The following ADAMTS17 variants were observed in gnomAD, a reference collection of about 807,000 sequenced individuals.
ADAMTS17 encodes ADAM metallopeptidase with thrombospondin type 1 motif 17.
In ADAMTS17, 113 loss-of-function variants were observed where a neutral mutation model predicts 141.5. The observed-to-expected ratio is 0.80, with a 90% confidence interval of 0.69 to 0.93. The LOEUF (loss-of-function observed/expected upper bound fraction) is 0.93, where lower values mean the gene tolerates loss of function less well. Ranked by LOEUF, ADAMTS17 falls within the 40% of genes least tolerant of loss-of-function variation. The pLI is 0.00. For missense variants in ADAMTS17, 1,659 were observed against 1,517.9 expected (o/e 1.09, Z -1.54); for synonymous variants, 768 against 630.6 (o/e 1.22, Z -3.27).
intron 8 of ADAMTS17, among the ~76,000 whole-genome samples, chr15:100,194,015 CAG>C (rs772794362): frequency 1.3e-5 from 2 of 152,232 alleles, no homozygotes; most frequent in Non-Finnish European, 2.9e-5. Context: ...GCTTATCTAA[CAG>C]ACACTCCTCA....
intron 8 of ADAMTS17, among the ~76,000 whole-genome samples, chr15:100,169,717 G>A (rs1296498447): frequency 1.3e-5 from 2 of 152,222 alleles, no homozygotes; most frequent in Non-Finnish European, 2.9e-5. Flanking sequence ...CTCAGGTACT[G>A]TGAACTGCAT....
At position 99,974,266 on chromosome 15, in the gene ADAMTS17, C is replaced by A; in HGVS notation, c.*136G>T. On this transcript the variant is annotated 3_prime_UTR_variant, in exon 22 of 22. Transcript: ENST00000268070. ...GTACGGAAGCACTAATGGCAAACGC[C>A]AAGTCCACGCTCATGTTCTATGTAG... is the stretch of plus-strand genomic sequence containing the variant. 8.5e-7 allele frequency: 1 copy of A among 1,173,194 alleles called. No homozygotes were observed. The highest frequency in any genetic ancestry group is 1.2e-6 in the Non-Finnish European group (1 of 802,404). 72.7% of individuals were successfully genotyped at this position (1,173,194 alleles called of 1,614,324 possible). A position where few individuals can be genotyped will look rare whatever the true frequency, so the allele number is the denominator to read the frequency against.
intron 14 of ADAMTS17, among the ~76,000 whole-genome samples, chr15:100,103,356 G>A (rs2036233765): frequency 6.6e-6 from 1 of 152,218 alleles, no homozygotes; most frequent in Non-Finnish European, 1.5e-5. Flanking sequence ...CTTTCCTGCA[G>A]GCTTGTTACC....
chr15:99,996,756 G>A (rs563322246), intron 19 of ADAMTS17, among the ~76,000 whole-genome samples: 1 of 152,036 alleles, frequency 6.6e-6, no homozygotes, highest in South Asian at 2.1e-4. Context: ...AGGGAAGCCT[G>A]CCCTTTATTC....
At chr15:100,182,033 C>T (rs1209136319) in intron 8 of ADAMTS17, among the ~76,000 whole-genome samples, 1 of 152,232 alleles carries the variant, frequency 6.6e-6, no homozygotes, top group Non-Finnish European at 1.5e-5. Context: ...GCTAGGACAT[C>T]CATGGGTGTC....
At chr15:100,341,733 G>A in intron 1 of ADAMTS17, 88 bp downstream of exon 1, 3 of 1,458,926 alleles carry the variant, frequency 2.1e-6, no homozygotes, top group South Asian at 1.3e-5. Context: ...TCCCGCCGCC[G>A]CCCCCGGGCC....
intron 18 of ADAMTS17, among the ~76,000 whole-genome samples, chr15:100,040,972 A>G (rs1016897418): frequency 6.6e-6 from 1 of 152,230 alleles, no homozygotes; most frequent in African/African-American, 2.4e-5. Flanking sequence ...GACTAGCAAG[A>G]AATTGATTAA....
intron 15 of ADAMTS17, among the ~76,000 whole-genome samples, chr15:100,066,022 A>G (rs1233133550): frequency 6.6e-6 from 1 of 152,192 alleles, no homozygotes; most frequent in Non-Finnish European, 1.5e-5. Context: ...GATGGTTTCC[A>G]GCTTCATCCA....
chr15:100,100,092 AC>A (rs2036004384), intron 14 of ADAMTS17, among the ~76,000 whole-genome samples: 1 of 152,182 alleles, frequency 6.6e-6, no homozygotes, highest in South Asian at 2.1e-4. Flanking sequence ...GTATTGATTC[AC>A]CCGTGGTGCC....
chr15:100,106,304 T>C (rs1336554627), intron 14 of ADAMTS17, among the ~76,000 whole-genome samples: 1 of 152,202 alleles, frequency 6.6e-6, no homozygotes, highest in African/African-American at 2.4e-5. Context: ...GTCTGTTGCT[T>C]ATAAGCTACC....
intron 9 of ADAMTS17, 73 bp from the exon 10 acceptor site, chr15:100,152,835 T>TTC (rs2039242271): frequency 6.4e-7 from 1 of 1,572,598 alleles, no homozygotes; most frequent in Non-Finnish European, 8.6e-7. Flanking sequence ...TTCTTTTTTT[T>TTC]TTTGAGTTTT....
chr15:100,213,220 GAGA>G (rs2041864394), intron 7 of ADAMTS17, among the ~76,000 whole-genome samples: 1 of 152,158 alleles, frequency 6.6e-6, no homozygotes, highest in South Asian at 2.1e-4. Context: ...AACATCCATG[GAGA>G]TGGACTTGGC....
Position 100,102,595 on chromosome 15 carries a change from A to G in ADAMTS17, c.2017-6119T>C, listed in dbSNP as rs150823192. 5.0e-3 allele frequency among the ~76,000 whole-genome samples: 746 copies of G among 148,768 alleles called. 6 individuals carry two copies. The highest frequency in any genetic ancestry group is 0.021 in the Middle Eastern group (6 of 282). On this transcript the variant is annotated intron_variant, in intron 14 of 21. Coordinates refer to ENST00000268070, the MANE Select transcript of ADAMTS17 (RefSeq NM_139057.4). Reference sequence around the variant, plus strand: ...TCTACATTTGAAGGCCTACTGAAGGAGATCTACATTTGAAGGCCGACTGAA... The same window carrying G: ...TCTACATTTGAAGGCCTACTGAAGGGGATCTACATTTGAAGGCCGACTGAA...
At chr15:100,233,854 A>G (rs1328172528) in intron 7 of ADAMTS17, among the ~76,000 whole-genome samples, 1 of 152,036 alleles carries the variant, frequency 6.6e-6, no homozygotes, top group Non-Finnish European at 1.5e-5. Flanking sequence ...GCTGAGGCAG[A>G]GGTGGCTTCC....
intron 8 of ADAMTS17, among the ~76,000 whole-genome samples, chr15:100,189,609 G>A (rs2040845012): frequency 6.6e-6 from 1 of 152,220 alleles, no homozygotes; most frequent in African/African-American, 2.4e-5. Flanking sequence ...TCCTGCTGAA[G>A]GCTCCCCTGA....
At chr15:100,294,547 C>CAAA (rs781219628) in intron 3 of ADAMTS17, among the ~76,000 whole-genome samples, 1,400 of 129,498 alleles carry the variant, frequency 0.011, 12 homozygotes, top group Non-Finnish European at 0.018. Context: ...CCAGCGTGGG[C>CAAA]AAAAAAAAAA....
chr15:100,021,846 C>T (rs2061412339), intron 18 of ADAMTS17, among the ~76,000 whole-genome samples: 1 of 152,082 alleles, frequency 6.6e-6, no homozygotes, highest in Non-Finnish European at 1.5e-5. Context: ...GACATGCTGG[C>T]ACCGGTCCCT....
intron 8 of ADAMTS17, among the ~76,000 whole-genome samples, chr15:100,198,424 A>T (rs1259731586): frequency 1.3e-5 from 2 of 152,232 alleles, no homozygotes; most frequent in South Asian, 4.1e-4. Flanking sequence ...GATTCCAGGC[A>T]TCTTACTGTG....
At chr15:100,042,610 C>T (rs190822706) in intron 18 of ADAMTS17, among the ~76,000 whole-genome samples, 8 of 152,320 alleles carry the variant, frequency 5.3e-5, no homozygotes, top group Admixed American at 3.9e-4. Flanking sequence ...ATCATCACCA[C>T]TCTTGTGCTT....
Sources: allele counts gnomAD v4.1 joint callset (sites outside exome capture counted in the v4.1 genomes callset), GRCh38; gene constraint gnomAD v4.1.1; transcripts MANE v1.5; gene names NCBI Gene and HGNC (gene_info 2026-07-23, HGNC 2026-07-21).